Variants in ATG2A observed in about 807,000 individuals in gnomAD.
ATG2A encodes autophagy related 2A, also known as autophagy-related protein 2 homolog A.
A neutral mutation model predicts 214.2 loss-of-function variants in ATG2A; 103 were observed. That is an observed-to-expected ratio of 0.48 (90% confidence interval 0.41 to 0.57). The LOEUF (loss-of-function observed/expected upper bound fraction) is 0.57. ATG2A is among the 20% of genes least tolerant of loss of function. The pLI, the probability that ATG2A is intolerant of heterozygous loss-of-function variation, is 0.00. For synonymous variants in ATG2A, 1,160 were observed against 1,142.1 expected, an observed-to-expected ratio of 1.02 and a Z score of -0.32; for missense variants, 2,312 against 2,613.2, an observed-to-expected ratio of 0.88 and a Z score of 2.51.
In ATG2A at chr11:64,898,105, T is replaced by G; in HGVS notation, c.4839A>C (p.Pro1613=). The G allele has an allele frequency of 1.2e-6, 2 of 1,614,014 alleles. No homozygotes were observed. Among genetic ancestry groups the G allele is most frequent in the East Asian group, 2.2e-5 (1 of 44,870 alleles). The stretch of plus-strand genomic sequence containing the variant: ...TCTCACCCTCAGCGGAGGTCTCCCC[T>G]GGGACCACGGGGTTGATGCCGGCCA... ...SLVAGINPVV[P]GETSAEARPE... is the part of the protein sequence containing the mutation. Residue 1613 remains proline (P), a synonymous_variant, in exon 34 of 41, where the codon CCA becomes CCC. Transcript: ENST00000377264. This position sits in a 1 kb window ranked among gnomAD's most constrained non-coding sequence, Gnocchi z 4.5.
chr11:64,907,839 G>C lies in ATG2A; in HGVS notation c.2416C>G (p.Leu806Val). ...TCCAGGCTGCAGCGGGACAGTGCCA[G>C]GGTCCGGCTCTGGAACGTCCTCATC... Reference protein sequence around the residue: ...EEMRTFQSRTLALSRCSLEVI... With the variant: ...EEMRTFQSRTVALSRCSLEVI... Residue 806 changes from leucine (L) to valine (V), a missense_variant, in exon 17 of 41, where the codon CTG becomes GTG. Physicochemically the swap from Leu to Val is conservative, Grantham distance 32. Transcript: ENST00000377264. The C allele has an allele frequency of 1.2e-6, 2 of 1,613,370 alleles. No individual in the cohort carries two copies. Among genetic ancestry groups the C allele is most frequent in the Non-Finnish European group, 1.7e-6 (2 of 1,179,936 alleles).
chr11:64,907,515 CCT>C lies in ATG2A; in HGVS notation c.2647+8_2647+9del. 6.2e-7 allele frequency: 1 copy of C among 1,612,712 alleles called. No individual in the cohort carries two copies. Among genetic ancestry groups the C allele is most frequent in the Non-Finnish European group, 8.5e-7 (1 of 1,179,694 alleles). ...TCCTCCCTCTAGCCCAGCGTTAGCACCTCTCATACCCAGCTTGAAGGCTGACT... is the reference window on the plus strand; with the variant it reads ...TCCTCCCTCTAGCCCAGCGTTAGCACCTCATACCCAGCTTGAAGGCTGACT... On this transcript the variant is annotated splice_region_variant and intron_variant, in intron 18 of 40. Coordinates refer to ENST00000377264, the MANE Select transcript of ATG2A (RefSeq NM_015104.3).
chr11:64,897,101 A>G (rs1590620145), intron 37 of ATG2A: 2 of 658,678 alleles, frequency 3.0e-6, no homozygotes, highest in African/African-American at 1.8e-5. Context: ...GCTCACTGCA[A>G]CCGCCTCCCA....
Position 64,911,932 on chromosome 11 carries a change from A to C in ATG2A, c.1138T>G (p.Ser380Ala). Reference protein sequence around the residue: ...GLTSSVASALSELSLSDVDLA... With the variant: ...GLTSSVASALAELSLSDVDLA... ...TCTACATCGGAGAGGGAGAGCTCAG[A>C]GAGGGCTGAGGCCACACTGCTTGTG... Residue 380 changes from serine to alanine, a missense_variant, in exon 9 of 41, where the codon TCT becomes GCT. Transcript: ENST00000377264. The C allele has an allele frequency of 6.2e-7, 1 of 1,613,702 alleles. No individual in the cohort carries two copies. Among genetic ancestry groups the C allele is most frequent in the Non-Finnish European group, 8.5e-7 (1 of 1,179,830 alleles).
rs796796968 is a variant in ATG2A, at chr11:64,900,755, G to A, written c.4329-126C>T. On this transcript the variant is annotated intron_variant, in intron 30 of 40. Coordinates refer to ENST00000377264, the MANE Select transcript of ATG2A (RefSeq NM_015104.3). ...CAGTCCTGGAAGGCAGGCGGGATAA[G>A]GAAGGATGAGGAAACTGAGGCCCAC... The A allele has an allele frequency of 2.1e-6, 3 of 1,441,502 alleles. No individual in the cohort carries two copies. The African/African-American group carries it at 4.3e-5, about 21-fold the overall frequency. The allele number at this position is 1,441,502 out of a possible 1,614,324, so 89.3% of individuals were successfully genotyped here. A position where few individuals can be genotyped will look rare whatever the true frequency, so the allele number is the denominator to read the frequency against.
Position 64,912,211 on chromosome 11 carries a change from G to A in ATG2A, c.961C>T (p.Pro321Ser). ...GLADKLNKSR[P>S]LGAEDLWLIE... ...AGCCACAGGTCTTCGGCACCTAGCG[G>A]GCGGCTCTTGTTCAGCTTGTCAGCC... Residue 321 changes from proline (P) to serine (S), a missense_variant, in exon 8 of 41, where the codon CCG (proline) becomes TCG (serine). Transcript: ENST00000377264. 1 of 1,613,714 alleles carries A rather than the reference G, an allele frequency of 6.2e-7. No individual in the cohort carries two copies. The highest frequency in any genetic ancestry group is 8.5e-7 in the Non-Finnish European group (1 of 1,179,926).
Position 64,907,612 on chromosome 11 carries a change from C to A in ATG2A, c.2560G>T (p.Asp854Tyr). The change falls in exon 18 of 41, where the codon GAC (aspartate) becomes TAC (tyrosine). Residue 854 changes from aspartate to tyrosine, a missense_variant. By Grantham distance (160) the Asp-to-Tyr change is radical. Transcript: ENST00000377264. ...AAGCCCGAGGGCTGGGCGGCGGGGTCGGGGGTGGGAAGCAGATCTGCAGGC... is the reference window on the plus strand; with the variant it reads ...AAGCCCGAGGGCTGGGCGGCGGGGTAGGGGGTGGGAAGCAGATCTGCAGGC... ...WEPADLLPTPDPAAQPSGFPG... is the reference protein window; with the variant it reads ...WEPADLLPTPYPAAQPSGFPG... The A allele has an allele frequency of 6.4e-7, 1 of 1,551,950 alleles. No homozygotes were observed. Among genetic ancestry groups the A allele is most frequent in the South Asian group, 1.2e-5 (1 of 84,154 alleles).
chr11:64,902,794 G>T, intron 26 of ATG2A, 114 bp from the exon 27 acceptor site: 1 of 953,062 alleles, frequency 1.0e-6, no homozygotes, highest in Non-Finnish European at 1.6e-6. Flanking sequence ...GGCAGAACAG[G>T]GATGGTCTCT....
Position 64,898,664 on chromosome 11 carries a change from C to T in ATG2A, c.4643G>A (p.Arg1548Gln), listed in dbSNP as rs61745749. The T allele has an allele frequency of 3.6e-5, 58 of 1,614,024 alleles. No homozygotes were observed. Among genetic ancestry groups the T allele is most frequent in the East Asian group, 2.7e-4 (12 of 44,884 alleles). ...GTTAGAGTGGGCACGTCGCGGCATC[C>T]GCTCACTCGTGTGTAGGTACAGGAA... ...NKFLYLHTSE[R>Q]MPRRAHSNML... Residue 1548 changes from arginine (R) to glutamine (Q), a missense_variant, in exon 32 of 41, where the codon CGG (arginine) becomes CAG (glutamine). By Grantham distance (43) the Arg-to-Gln change is conservative. Transcript: ENST00000377264. This position sits in a 1 kb window ranked among gnomAD's most constrained non-coding sequence, Gnocchi z 4.5.
chr11:64,916,755 G>A (rs1945001503), intron 1 of ATG2A, among the ~76,000 whole-genome samples: 1 of 152,116 alleles, frequency 6.6e-6, no homozygotes, highest in Admixed American at 6.5e-5. Flanking sequence ...CTCCTCCCGT[G>A]GAGACAGAAA....
rs1392020679 is a variant in ATG2A, at chr11:64,903,476, C to T, written c.3536-112G>A. ...GGTGTAGTCCCTGCTGTGCGGGCTA[C>T]GTGTGGGAGCTAAGGACCCGGCCAG... On this transcript the variant is annotated intron_variant, in intron 25 of 40. Transcript: ENST00000377264. This position sits in a 1 kb window ranked among gnomAD's most constrained non-coding sequence, Gnocchi z 4.2. 1.2e-5 allele frequency: 18 copies of T among 1,485,324 alleles called. No individual in the cohort carries two copies. The highest frequency in any genetic ancestry group is 2.4e-5 in the East Asian group (1 of 41,538). 92.0% of individuals were successfully genotyped at this position (1,485,324 alleles called of 1,614,324 possible).
chr11:64,907,978 CGTT>C, intron 16 of ATG2A, 88 bp from the exon 17 acceptor site: 1 of 1,450,198 alleles, frequency 6.9e-7, no homozygotes, highest in East Asian at 2.4e-5. Context: ...GCCCTCCTGT[CGTT>C]CATCATTCAT....
In ATG2A at chr11:64,911,917, A is replaced by T; in HGVS notation, c.1153T>A (p.Ser385Thr). 1 of 1,613,658 alleles carries T rather than the reference A, an allele frequency of 6.2e-7. No homozygotes were observed. Among genetic ancestry groups the T allele is most frequent in the Non-Finnish European group, 8.5e-7 (1 of 1,179,830 alleles). Residue 385 changes from serine to threonine, a missense_variant, in exon 9 of 41, where the codon TCC becomes ACC. Physicochemically the swap from Ser to Thr is moderately conservative, Grantham distance 58. Transcript: ENST00000377264. ...VASALSELSLSDVDLASSVRS... is the reference protein window; with the variant it reads ...VASALSELSLTDVDLASSVRS... ...ACAGAGGAGGCCAGGTCTACATCGG[A>T]GAGGGAGAGCTCAGAGAGGGCTGAG...
intron 21 of ATG2A, 65 bp downstream of exon 21, chr11:64,906,269 T>C (rs1590641221): frequency 1.2e-6 from 2 of 1,605,614 alleles, no homozygotes; most frequent in East Asian, 4.5e-5. Context: ...CGCACTGGGG[T>C]CCCACCGCAC....
chr11:64,896,673 C>T (rs1944164181), intron 38 of ATG2A, 57 bp from the exon 39 acceptor site: 8 of 1,606,780 alleles, frequency 5.0e-6, no homozygotes, highest in Non-Finnish European at 6.8e-6. Flanking sequence ...ACCTCCTCCT[C>T]TTATTCCCAA....
rs1262272851 is a variant in ATG2A, at chr11:64,912,322, C to T, written c.922+5G>A. ...CCCCACCCCCATGCCACCCAGGGGC[C>T]TCACCTGTAAGGCTCACGGCGCTGA... On this transcript the variant is annotated splice_donor_5th_base_variant and intron_variant, in intron 7 of 40. Coordinates refer to ENST00000377264, the MANE Select transcript of ATG2A (RefSeq NM_015104.3). 10 of 1,605,952 alleles carry T rather than the reference C, an allele frequency of 6.2e-6. No homozygotes were observed. The highest frequency in any genetic ancestry group is 8.5e-6 in the Non-Finnish European group (10 of 1,175,356).
At position 64,897,834 on chromosome 11, in the gene ATG2A, C is replaced by G. The variant is rs1271020931; in HGVS notation, c.4994+5G>C. On this transcript the variant is annotated splice_donor_5th_base_variant and intron_variant, in intron 35 of 40. Transcript: ENST00000377264. ...GGGCCCCCCACCCGCAGTCCAGCAG[C>G]CTACCTGAAGTAGATGGGCTGCTGG... 12 of 1,611,136 alleles carry G rather than the reference C, an allele frequency of 7.4e-6. No homozygotes were observed. The highest frequency in any genetic ancestry group is 1.0e-5 in the Non-Finnish European group (12 of 1,178,282).
intron 37 of ATG2A, chr11:64,897,206 C>T (rs949295990): frequency 2.5e-5 from 16 of 643,378 alleles, no homozygotes; most frequent in South Asian, 9.9e-5. Context: ...TTAGTAGAGA[C>T]GGGGGGGTTT....
At position 64,906,123 on chromosome 11, in the gene ATG2A, C is replaced by A; in HGVS notation, c.3254G>T (p.Trp1085Leu). Reference protein sequence around the residue: ...RHYMALPEQSWHSQLLEFLDV... With the variant: ...RHYMALPEQSLHSQLLEFLDV... ...ACCACCCACGCTCACCTGGGAATGCCAGCTCTGCTCGGGCAGGGCCATGTA... is the reference window on the plus strand; with the variant it reads ...ACCACCCACGCTCACCTGGGAATGCAAGCTCTGCTCGGGCAGGGCCATGTA... Residue 1085 changes from tryptophan (W) to leucine (L), a missense_variant, in exon 22 of 41, where the codon TGG becomes TTG. Trp to Leu is a moderately conservative substitution (Grantham distance 61). Coordinates refer to ENST00000377264, the MANE Select transcript of ATG2A (RefSeq NM_015104.3). 1 of 1,583,774 alleles carries A rather than the reference C, an allele frequency of 6.3e-7. No individual in the cohort carries two copies. The highest frequency in any genetic ancestry group is 8.6e-7 in the Non-Finnish European group (1 of 1,164,956).
Sources: gnomAD v4.1 joint callset for allele counts (sites outside exome capture counted in the v4.1 genomes callset) on GRCh38, gnomAD v4.1.1 for gene constraint, Gnocchi (gnomAD v3.1) non-coding constraint, MANE v1.5 for transcripts, NCBI Gene and HGNC (gene_info 2026-07-23, HGNC 2026-07-21) for gene names.